The following NSF variants were observed in gnomAD, a reference collection of about 807,000 sequenced individuals.
NSF encodes N-ethylmaleimide sensitive factor, vesicle fusing ATPase.
In NSF, 14 loss-of-function variants were observed where a neutral mutation model predicts 50.3. That is an observed-to-expected ratio of 0.28 (90% CI 0.18 to 0.44). NSF has a LOEUF of 0.44. Ranked by LOEUF, NSF falls within the 20% of genes least tolerant of loss-of-function variation. The pLI is 1.00. For missense variants in NSF, 218 were observed against 504.3 expected, an observed-to-expected ratio of 0.43 and a Z score of 5.44; for synonymous variants, 109 against 175.7, an observed-to-expected ratio of 0.62 and a Z score of 3.00.
chr17:46,602,172 TTTTG>T (rs1355029162), intron 1 of NSF, among the ~76,000 whole-genome samples: 9 of 118,546 alleles, frequency 7.6e-5, no homozygotes, highest in African/African-American at 3.1e-4. Flanking sequence ...CGAGACAGTT[TTTTG>T]TTTGTTTGTT....
At chr17:46,735,477 AAAAG>A (rs1318442226) in intron 17 of NSF, among the ~76,000 whole-genome samples, 5 of 152,174 alleles carry the variant, frequency 3.3e-5, no homozygotes, top group Admixed American at 6.5e-5. Context: ...AAAAAAAAAA[AAAAG>A]AAACCTATGT....
chr17:46,610,373 A>C, intron 1 of NSF, among the ~76,000 whole-genome samples: 1 of 32,996 alleles, frequency 3.0e-5, no homozygotes, highest in East Asian at 4.4e-4. Flanking sequence ...CCATTTTTGC[A>C]TTTCTCCTTT....
At chr17:46,717,508 C>G (rs983445017) in intron 15 of NSF, among the ~76,000 whole-genome samples, 1 of 152,036 alleles carries the variant, frequency 6.6e-6, no homozygotes, top group African/African-American at 2.4e-5. Flanking sequence ...GTCAGGAGTT[C>G]GAGACCAGCC....
chr17:46,733,280 A>G (rs1388407332), intron 17 of NSF, among the ~76,000 whole-genome samples: 2 of 152,188 alleles, frequency 1.3e-5, no homozygotes, highest in Non-Finnish European at 1.5e-5. Context: ...TGGTAAGGCC[A>G]GGTAACTCTT....
intron 1 of NSF, among the ~76,000 whole-genome samples, chr17:46,610,096 TC>T (rs1357712859): frequency 1.4e-4 from 6 of 44,246 alleles, no homozygotes; most frequent in African/African-American, 6.5e-4. Flanking sequence ...TTCTTTTCTC[TC>T]TTTCTCTCTC....
intron 15 of NSF, among the ~76,000 whole-genome samples, chr17:46,718,205 G>T (rs1374631207): frequency 1.3e-5 from 2 of 152,196 alleles, no homozygotes; most frequent in Non-Finnish European, 2.9e-5. Flanking sequence ...ACCCACCCCA[G>T]TGAGTGCCAA....
intron 19 of NSF, among the ~76,000 whole-genome samples, chr17:46,754,647 T>C (rs983078631): frequency 5.9e-5 from 9 of 152,346 alleles, no homozygotes; most frequent in Middle Eastern, 3.4e-3. Context: ...CCAGTCGAGA[T>C]AGCTAATAAT....
intron 4 of NSF, among the ~76,000 whole-genome samples, chr17:46,633,891 G>A (rs1344379513): frequency 2.9e-5 from 3 of 104,852 alleles, no homozygotes; most frequent in Non-Finnish European, 5.2e-5. Context: ...TTTTTTTTGA[G>A]ACAGAGTTTC....
intron 4 of NSF, among the ~76,000 whole-genome samples, chr17:46,635,816 T>TGC (rs1450109053): frequency 1.4e-5 from 2 of 140,712 alleles, no homozygotes; most frequent in African/African-American, 5.2e-5. Flanking sequence ...TGTGTGTGTG[T>TGC]GTGCTCGTGT....
chr17:46,745,071 T>C (rs1401766788), intron 17 of NSF, among the ~76,000 whole-genome samples: 1 of 152,026 alleles, frequency 6.6e-6, no homozygotes, highest in East Asian at 1.9e-4. Context: ...TCAAGGGGCA[T>C]GTTTGGGCAC....
intron 17 of NSF, among the ~76,000 whole-genome samples, chr17:46,738,617 G>C (rs1000385531): frequency 1.3e-5 from 2 of 152,158 alleles, no homozygotes; most frequent in African/African-American, 4.8e-5. Context: ...GATACGGTGT[G>C]CCCTGTTTGT....
chr17:46,743,844 A>G (rs1324415595), intron 17 of NSF, among the ~76,000 whole-genome samples: 1 of 151,936 alleles, frequency 6.6e-6, no homozygotes, highest in African/African-American at 2.4e-5. Context: ...TATATTAAAT[A>G]TTTCCCTTAG....
intron 19 of NSF, among the ~76,000 whole-genome samples, chr17:46,754,712 T>C (rs761817534): frequency 1.3e-5 from 2 of 152,228 alleles, no homozygotes; most frequent in African/African-American, 4.8e-5. Flanking sequence ...CTTAGACTCA[T>C]GACACATTCG....
chr17:46,679,628 A>G (rs1234868913), intron 9 of NSF, among the ~76,000 whole-genome samples: 1 of 138,998 alleles, frequency 7.2e-6, no homozygotes, highest in Non-Finnish European at 1.6e-5. Flanking sequence ...GGAGGCGGAG[A>G]TTGCAGTGAG....
In NSF at chr17:46,622,580, C is replaced by T. The variant is rs932447152; in HGVS notation, c.13-1664C>T. ...GGCGGATTGCCTGAGCTCAGGAGTT[C>T]GAGACCAGCCTGGGCAACGTGATGA... On this transcript the variant is annotated intron_variant, in intron 1 of 20. Transcript: ENST00000398238. Among the ~76,000 whole-genome samples the T allele has an allele frequency of 1.4e-4, 20 of 147,000 alleles. 2 individuals carry two copies. The highest frequency in any genetic ancestry group is 4.1e-4 in the African/African-American group (16 of 38,636).
At chr17:46,721,927 T>C in intron 15 of NSF, 1 of 1,592,858 alleles carries the variant, frequency 6.3e-7, no homozygotes, top group African/African-American at 1.3e-5. Context: ...CCAATTCGCG[T>C]ACTAGCCGGA....
chr17:46,722,211 C>T (rs2058838532), intron 15 of NSF: 3 of 1,521,180 alleles, frequency 2.0e-6, no homozygotes, highest in Non-Finnish European at 2.7e-6. Context: ...TAGGAAGAGA[C>T]CCAAATCTCG....
chr17:46,722,215 A>T, intron 15 of NSF: 1 of 1,480,986 alleles, frequency 6.8e-7, no homozygotes, highest in South Asian at 1.1e-5. Context: ...AAGAGACCCA[A>T]ATCTCGCGAG....
At chr17:46,750,053 C>T in intron 18 of NSF, 146 bp downstream of exon 18, 1 of 882,788 alleles carries the variant, frequency 1.1e-6, no homozygotes, top group Non-Finnish European at 1.6e-6. Flanking sequence ...TATACCTTAT[C>T]CAAAATGCCT....
Sources: allele counts gnomAD v4.1 joint callset (sites outside exome capture counted in the v4.1 genomes callset), GRCh38; gene constraint gnomAD v4.1.1; transcripts MANE v1.5; gene names NCBI Gene and HGNC (gene_info 2026-07-23, HGNC 2026-07-21).